KCNK9: variants seen among roughly 807,000 people sequenced by gnomAD.
KCNK9 encodes potassium two pore domain channel subfamily K member 9.
In KCNK9, 1 loss-of-function variant was observed where a neutral mutation model predicts 10.8. That is an observed-to-expected ratio of 0.09 (90% CI 0.03 to 0.44). The LOEUF (loss-of-function observed/expected upper bound fraction) is 0.44. Among genes scored for constraint, KCNK9 ranks in the 20% least tolerant of loss-of-function variants. The pLI is 0.97. For synonymous variants in KCNK9, 231 were observed against 222.7 expected (o/e 1.04, Z -0.33); for missense variants, 303 against 515.0 (o/e 0.59, Z 3.98).
At chr8:139,644,995 C>T (rs1228495645) in intron 1 of KCNK9, among the ~76,000 whole-genome samples, 5 of 152,230 alleles carry the variant, frequency 3.3e-5, no homozygotes, top group Non-Finnish European at 7.3e-5. Context: ...GAGGTTAGCA[C>T]CAGGTGCGAG....
chr8:139,612,954 C>A (rs1015189858), downstream of KCNK9, among the ~76,000 whole-genome samples: 4 of 152,148 alleles, frequency 2.6e-5, no homozygotes, highest in African/African-American at 9.7e-5. Context: ...AAGTCTGGAA[C>A]AACAAGACAA....
downstream of KCNK9, among the ~76,000 whole-genome samples, chr8:139,610,578 G>A (rs541396536): frequency 2.6e-5 from 4 of 152,310 alleles, no homozygotes; most frequent in East Asian, 7.7e-4. Context: ...AATGTCCTCT[G>A]CCTGTCAAAA....
chr8:139,604,534 A>C (rs992635561), intron 2 of KCNK9, among the ~76,000 whole-genome samples: 1 of 152,188 alleles, frequency 6.6e-6, no homozygotes, highest in Non-Finnish European at 1.5e-5. Flanking sequence ...AGCAAAGCTG[A>C]CCGGTAGGAA....
intron 1 of KCNK9, among the ~76,000 whole-genome samples, chr8:139,666,253 T>C (rs1816296661): frequency 6.6e-6 from 1 of 152,224 alleles, no homozygotes; most frequent in Admixed American, 6.5e-5. Flanking sequence ...CTAACACTCC[T>C]GAGCCTTGCT....
rs1235336121 is a variant in KCNK9 at position 139,636,328 on chromosome 8, C to T, written c.284-17229G>A. Reference sequence around the variant, plus strand: ...GCCCGCCCTCTTCTCTGACCCCCAGCACCTCAGCTGTTCTCACGCTGGTGT... The same window carrying T: ...GCCCGCCCTCTTCTCTGACCCCCAGTACCTCAGCTGTTCTCACGCTGGTGT... On this transcript the variant is annotated intron_variant, in intron 1 of 1. Coordinates refer to ENST00000520439, the MANE Select transcript of KCNK9 (RefSeq NM_001282534.2). 2.0e-5 allele frequency among the ~76,000 whole-genome samples: 3 copies of T among 152,366 alleles called. No individual in the cohort carries two copies. In the East Asian group the frequency reaches 5.8e-4, roughly 29 times the overall value.
At position 139,703,090 on chromosome 8, in the gene KCNK9, C is replaced by T. The variant is rs1817269462; in HGVS notation, c.-98G>A. On this transcript the variant is annotated 5_prime_UTR_variant, in exon 1 of 2. Transcript: ENST00000520439. This position sits in a 1 kb window ranked among gnomAD's most constrained non-coding sequence, Gnocchi z 6.4. ...CCGGCGGCCGCCGCCGCCTCCTCCT[C>T]CGCCGCCGCCGCCGCCGCCTCCAAG... 1.1e-6 allele frequency: 1 copy of T among 901,678 alleles called. No homozygotes were observed. The highest frequency in any genetic ancestry group is 1.4e-6 in the Non-Finnish European group (1 of 691,458). 55.9% of individuals were successfully genotyped at this position (901,678 alleles called of 1,614,324 possible). A position where few individuals can be genotyped will look rare whatever the true frequency, so the allele number is the denominator to read the frequency against.
chr8:139,672,402 T>G (rs1199341957), intron 1 of KCNK9, among the ~76,000 whole-genome samples: 1 of 152,164 alleles, frequency 6.6e-6, no homozygotes, highest in African/African-American at 2.4e-5. Context: ...AATTAACTGC[T>G]CAGACAATGT....
Position 139,702,564 on chromosome 8 carries a change from A to C in KCNK9, c.283+146T>G. ...AGGCGCCGCGGAGGGGGGGCTCCCT[A>C]GAGAGGAGGGGGCGCTGCGGGAAGG... On this transcript the variant is annotated intron_variant, in intron 1 of 1. Transcript: ENST00000520439. This position sits in a 1 kb window ranked among gnomAD's most constrained non-coding sequence, Gnocchi z 7.5. 1 of 804,472 alleles carries C rather than the reference A, an allele frequency of 1.2e-6. No individual in the cohort carries two copies. The highest frequency in any genetic ancestry group is 1.9e-6 in the Non-Finnish European group (1 of 527,778). 49.8% of individuals were successfully genotyped at this position (804,472 alleles called of 1,614,324 possible). A position where few individuals can be genotyped will look rare whatever the true frequency, so the allele number is the denominator to read the frequency against.
chr8:139,650,696 C>T (rs62520195), intron 1 of KCNK9, among the ~76,000 whole-genome samples: 2 of 152,150 alleles, frequency 1.3e-5, no homozygotes, highest in East Asian at 1.9e-4. Flanking sequence ...TACAACTGCA[C>T]CAGAGTAAAC....
chr8:139,615,904 T>G (rs1195516286), downstream of KCNK9: 2 of 152,080 alleles, frequency 1.3e-5, no homozygotes, highest in Non-Finnish European at 2.9e-5. Context: ...CAGGGTGGTC[T>G]CAGCGTCCCT....
intron 1 of KCNK9, among the ~76,000 whole-genome samples, chr8:139,665,438 C>T (rs1173775017): frequency 6.6e-6 from 1 of 152,210 alleles, no homozygotes; most frequent in Non-Finnish European, 1.5e-5. Context: ...ATCCAGGAAC[C>T]TCGCCCTTTC....
downstream of KCNK9, chr8:139,616,185 T>G (rs1489871131): frequency 6.6e-6 from 1 of 151,976 alleles, no homozygotes; most frequent in Admixed American, 6.5e-5. Flanking sequence ...GAACCCCACA[T>G]TTATTCCAGG....
intron 2 of KCNK9, chr8:139,601,703 G>A (rs1817373893): frequency 6.6e-6 from 1 of 152,228 alleles, no homozygotes; most frequent in South Asian, 2.1e-4. Flanking sequence ...GAATGAGGGT[G>A]AAACTGGAGT....
chr8:139,616,156 C>T (rs1405508116), downstream of KCNK9: 1 of 152,166 alleles, frequency 6.6e-6, no homozygotes, highest in Non-Finnish European at 1.5e-5. Flanking sequence ...GAAGGCACCT[C>T]TTACAAAGGT....
intron 1 of KCNK9, among the ~76,000 whole-genome samples, chr8:139,663,929 G>A (rs1816232836): frequency 6.6e-6 from 1 of 152,160 alleles, no homozygotes; most frequent in Non-Finnish European, 1.5e-5. Flanking sequence ...AGTCAGTCAA[G>A]GAAACGAGAA....
intron 2 of KCNK9, among the ~76,000 whole-genome samples, chr8:139,605,914 TCA>T (rs1245319346): frequency 1.3e-5 from 2 of 152,330 alleles, no homozygotes; most frequent in Non-Finnish European, 1.5e-5. Context: ...GATGGTTGTC[TCA>T]TTCTGTTGAA....
At chr8:139,698,843 G>A (rs61539134) in intron 1 of KCNK9, among the ~76,000 whole-genome samples, 2,155 of 152,258 alleles carry the variant, frequency 0.014, 49 homozygotes, top group African/African-American at 0.048. Context: ...AATGAGAAAA[G>A]GAAGCTATCT....
chr8:139,625,093 C>T (rs772996047), intron 1 of KCNK9, among the ~76,000 whole-genome samples: 5 of 152,162 alleles, frequency 3.3e-5, no homozygotes, highest in Admixed American at 1.3e-4. Context: ...GTCCCCTCAC[C>T]GAGAGCTGGG....
chr8:139,687,660 G>T (rs78305318), intron 1 of KCNK9, among the ~76,000 whole-genome samples: 1 of 59,332 alleles, frequency 1.7e-5, no homozygotes, highest in African/African-American at 5.2e-5. Flanking sequence ...ATATTCATAT[G>T]TATACATATG....
Sources: allele counts gnomAD v4.1 joint callset (sites outside exome capture counted in the v4.1 genomes callset), GRCh38; gene constraint gnomAD v4.1.1; non-coding constraint Gnocchi (gnomAD v3.1); transcripts MANE v1.5; gene names NCBI Gene and HGNC (gene_info 2026-07-23, HGNC 2026-07-21).